Variants in VAMP4 observed in about 807,000 individuals in gnomAD.
The protein encoded by VAMP4 is vesicle associated membrane protein 4, also known as vesicle-associated membrane protein 4.
Under a neutral mutation model 23.5 loss-of-function variants are expected in VAMP4, and 19 were observed. That is an observed-to-expected ratio of 0.81 (90% CI 0.56 to 1.19). The LOEUF is 1.19. VAMP4 is among the 50% of genes most tolerant of loss of function. The pLI is 0.00. For missense variants in VAMP4, 145 were observed against 168.6 expected, an observed-to-expected ratio of 0.86 and a Z score of 0.78; for synonymous variants, 31 against 51.0, an observed-to-expected ratio of 0.61 and a Z score of 1.67.
intron 7 of VAMP4, 83 bp downstream of exon 7, chr1:171,706,284 A>G: frequency 1.5e-6 from 2 of 1,302,054 alleles, no homozygotes; most frequent in Non-Finnish European, 1.1e-6. Flanking sequence ...CAGACATACT[A>G]GGTCAACTGA....
intron 4 of VAMP4, among the ~76,000 whole-genome samples, chr1:171,712,535 C>T (rs1654881765): frequency 6.6e-6 from 1 of 152,152 alleles, no homozygotes; most frequent in African/African-American, 2.4e-5. Flanking sequence ...ATTACCCACA[C>T]ATAAACTTCA....
chr1:171,703,801 T>G lies in VAMP4; in HGVS notation c.*705A>C, dbSNP rs753960800. ...TATTGGTCATTTTCAAATACTCCAA[T>G]GACACTCTTCAATAACTTTATTATC... On this transcript the variant is annotated 3_prime_UTR_variant, in exon 8 of 8. Coordinates refer to ENST00000236192, the MANE Select transcript of VAMP4 (RefSeq NM_003762.5). The G allele has an allele frequency of 6.6e-6, 1 of 152,308 alleles. No individual in the cohort carries two copies. The highest frequency in any genetic ancestry group is 2.4e-5 in the African/African-American group (1 of 41,406). 9.4% of individuals were successfully genotyped at this position (152,308 alleles called of 1,614,324 possible).
At chr1:171,718,676 C>T (rs1013889709) in intron 4 of VAMP4, among the ~76,000 whole-genome samples, 5 of 152,006 alleles carry the variant, frequency 3.3e-5, no homozygotes, top group African/African-American at 1.2e-4. Context: ...CAAATTAAAG[C>T]TATTATATTA....
intron 7 of VAMP4, among the ~76,000 whole-genome samples, chr1:171,704,756 A>G (rs1654594085): frequency 6.6e-6 from 1 of 152,080 alleles, no homozygotes; most frequent in South Asian, 2.1e-4. Flanking sequence ...AAATAATGGC[A>G]TAGCCATAGC....
chr1:171,718,722 C>T (rs969747695), intron 4 of VAMP4, among the ~76,000 whole-genome samples: 3 of 152,064 alleles, frequency 2.0e-5, no homozygotes, highest in Non-Finnish European at 4.4e-5. Flanking sequence ...AATCAAGCTA[C>T]AGATTTAAAA....
At chr1:171,720,133 C>T (rs572381511) in intron 3 of VAMP4, among the ~76,000 whole-genome samples, 1 of 151,910 alleles carries the variant, frequency 6.6e-6, no homozygotes, top group South Asian at 2.1e-4. Context: ...TTTTAAGCTC[C>T]AACTAAGCCT....
rs767228519 is a variant in VAMP4 at position 171,719,240 on chromosome 1, C to A, written c.114-19G>T. 2 of 1,600,860 alleles carry A rather than the reference C, an allele frequency of 1.2e-6. No individual in the cohort carries two copies. Among genetic ancestry groups the A allele is most frequent in the South Asian group, 2.2e-5 (2 of 89,940 alleles). On this transcript the variant is annotated intron_variant, in intron 3 of 7. Coordinates refer to ENST00000236192, the MANE Select transcript of VAMP4 (RefSeq NM_003762.5). ...TCCCCTTCTGAAAACAAGTACATACCAAGTACATATTAGTAGTGACAGGAT... is the reference window on the plus strand; with the variant it reads ...TCCCCTTCTGAAAACAAGTACATACAAAGTACATATTAGTAGTGACAGGAT...
At chr1:171,713,833 A>C (rs1206191502) in intron 4 of VAMP4, among the ~76,000 whole-genome samples, 2 of 145,570 alleles carry the variant, frequency 1.4e-5, no homozygotes, top group Non-Finnish European at 3.1e-5. Context: ...GTCTCAAAGG[A>C]AAAAAAACAT....
chr1:171,709,316 A>G (rs1400716980), intron 6 of VAMP4, among the ~76,000 whole-genome samples: 1 of 152,146 alleles, frequency 6.6e-6, no homozygotes, highest in Admixed American at 6.5e-5. Flanking sequence ...ATATCTCTAC[A>G]TAATGCTATA....
At chr1:171,736,653 C>A (rs1023747399) in intron 2 of VAMP4, among the ~76,000 whole-genome samples, 1 of 33,656 alleles carries the variant, frequency 3.0e-5, no homozygotes, top group African/African-American at 1.9e-4. Context: ...CATTAAAAAA[C>A]AAAACAAAAC....
chr1:171,735,835 T>A (rs1001938524), intron 2 of VAMP4, among the ~76,000 whole-genome samples: 73 of 152,244 alleles, frequency 4.8e-4, no homozygotes, highest in African/African-American at 1.7e-3. Context: ...AATTGACATT[T>A]ATTCTCTGAA....
intron 1 of VAMP4, among the ~76,000 whole-genome samples, chr1:171,739,417 C>A (rs1306261999): frequency 6.6e-6 from 1 of 152,220 alleles, no homozygotes; most frequent in East Asian, 1.9e-4. Context: ...TGCACCTCTT[C>A]CATCTGGCTG....
chr1:171,723,088 C>T (rs545817029), intron 3 of VAMP4, among the ~76,000 whole-genome samples: 37 of 152,080 alleles, frequency 2.4e-4, no homozygotes, highest in Admixed American at 5.9e-4. Context: ...TGCCCCCCTA[C>T]GCCGCAAAAC....
chr1:171,725,416 C>T (rs182577011), intron 3 of VAMP4, among the ~76,000 whole-genome samples: 198 of 152,204 alleles, frequency 1.3e-3, no homozygotes, highest in Non-Finnish European at 1.5e-3. Flanking sequence ...GCCTGGCCAA[C>T]ATAATGAGAC....
intron 3 of VAMP4, among the ~76,000 whole-genome samples, chr1:171,723,528 AG>A (rs532549690): frequency 3.5e-4 from 54 of 152,316 alleles, no homozygotes; most frequent in African/African-American, 1.2e-3. Flanking sequence ...TGCTTTTGTA[AG>A]AAGAGAAATA....
At chr1:171,715,185 G>T (rs1353479217) in intron 4 of VAMP4, among the ~76,000 whole-genome samples, 1 of 152,154 alleles carries the variant, frequency 6.6e-6, no homozygotes, top group Non-Finnish European at 1.5e-5. Context: ...GTAGACGATG[G>T]CTATTAACTA....
At chr1:171,728,404 G>C (rs911794670) in intron 3 of VAMP4, 120 bp downstream of exon 3, 20 of 730,302 alleles carry the variant, frequency 2.7e-5, no homozygotes, top group Non-Finnish European at 3.6e-5. Context: ...ATCTTGGAAG[G>C]CATCTCTCAC....
intron 3 of VAMP4, among the ~76,000 whole-genome samples, chr1:171,726,852 T>G (rs1403585801): frequency 6.7e-6 from 1 of 150,360 alleles, no homozygotes. Flanking sequence ...CAAAAGATAT[T>G]ATTACAAAAT....
chr1:171,709,790 G>GA (rs767793941), intron 5 of VAMP4, 46 bp from the exon 6 acceptor site: 1 of 1,434,706 alleles, frequency 7.0e-7, no homozygotes, highest in South Asian at 1.2e-5. Flanking sequence ...GACATAACAG[G>GA]ATTCTTTTAT....
Sources: gnomAD v4.1 joint callset for allele counts (sites outside exome capture counted in the v4.1 genomes callset) on GRCh38, gnomAD v4.1.1 for gene constraint, MANE v1.5 for transcripts, NCBI Gene and HGNC (gene_info 2026-07-23, HGNC 2026-07-21) for gene names.